Variants in CRPPA observed in about 807,000 individuals in gnomAD.
CRPPA encodes CDP-L-ribitol pyrophosphorylase A, also known as D-ribitol-5-phosphate cytidylyltransferase.
In CRPPA, 43 loss-of-function variants were observed where a neutral mutation model predicts 52.0. The ratio of observed to expected loss-of-function variants is 0.83; its 90% CI spans 0.65 to 1.07. CRPPA has a LOEUF of 1.07. Ranked by LOEUF, CRPPA falls within the 50% of genes least tolerant of loss-of-function variation. The pLI, the probability that CRPPA is intolerant of heterozygous loss-of-function variation, is 0.00. For synonymous variants in CRPPA, 250 were observed against 203.5 expected (o/e 1.23, Z -1.94); for missense variants, 629 against 551.7 (o/e 1.14, Z -1.40).
rs895723369 is a variant in CRPPA at position 16,091,654 on chromosome 7, G to C, written c.*41C>G. ...GGGGCACAAAGCACAATTAAGATAC[G>C]CAAATAGATGTTTTAGAAAATAGGT... is the stretch of plus-strand genomic sequence containing the variant. On this transcript the variant is annotated 3_prime_UTR_variant, in exon 10 of 10. Coordinates refer to ENST00000407010, the MANE Select transcript of CRPPA (RefSeq NM_001101426.4). 8.9e-7 allele frequency: 1 copy of C among 1,118,008 alleles called. No individual in the cohort carries two copies. Among genetic ancestry groups the C allele is most frequent in the Non-Finnish European group, 1.3e-6 (1 of 759,830 alleles). The allele number at this position is 1,118,008 out of a possible 1,614,324, so 69.3% of individuals were successfully genotyped here. A position where few individuals can be genotyped will look rare whatever the true frequency, so the allele number is the denominator to read the frequency against.
intron 8 of CRPPA, among the ~76,000 whole-genome samples, chr7:16,221,057 A>G (rs1782485142): frequency 6.6e-6 from 1 of 152,222 alleles, no homozygotes; most frequent in Non-Finnish European, 1.5e-5. Context: ...CTACAAGGCT[A>G]CAGTAACCAA....
At position 16,284,006 on chromosome 7, in the gene CRPPA, C is replaced by T. The variant is rs1352851631; in HGVS notation, c.836-5780G>A. On this transcript the variant is annotated intron_variant, in intron 5 of 9. Transcript: ENST00000407010. ...TGAAAGTAGCATATTGATACTTTGG[C>T]AGCACTTTGCATATGTGAAATGAGA... Among the ~76,000 whole-genome samples, 5 of 152,096 alleles carry T rather than the reference C, an allele frequency of 3.3e-5. No individual in the cohort carries two copies. The East Asian group carries it at 5.8e-4, about 18-fold the overall frequency.
intron 9 of CRPPA, among the ~76,000 whole-genome samples, chr7:16,138,215 C>T (rs1782797906): frequency 6.6e-6 from 1 of 152,092 alleles, no homozygotes. Flanking sequence ...AGAATGTATG[C>T]TGTTTACTTA....
intron 9 of CRPPA, among the ~76,000 whole-genome samples, chr7:16,214,466 A>AT (rs1271720639): frequency 1.3e-5 from 2 of 152,112 alleles, no homozygotes; most frequent in African/African-American, 4.8e-5. Context: ...AAAAGAACAG[A>AT]TTTTTCCCAC....
rs866956017 is a variant in CRPPA at position 16,421,365 on chromosome 7, G to A, written c.-43C>T. On this transcript the variant is annotated 5_prime_UTR_variant, in exon 1 of 10. Coordinates refer to ENST00000407010, the MANE Select transcript of CRPPA (RefSeq NM_001101426.4). Reference sequence around the variant, plus strand: ...CGAGCCCCGCTAGCCTCGGGCCGATGCGACCCCGCGCTGCTCCCACCCTCG... The same window carrying A: ...CGAGCCCCGCTAGCCTCGGGCCGATACGACCCCGCGCTGCTCCCACCCTCG... 5 of 1,221,832 alleles carry A rather than the reference G, an allele frequency of 4.1e-6. No individual in the cohort carries two copies. In the South Asian group the frequency reaches 2.0e-4, roughly 49 times the overall value. 75.7% of individuals were successfully genotyped at this position (1,221,832 alleles called of 1,614,324 possible). A position where few individuals can be genotyped will look rare whatever the true frequency, so the allele number is the denominator to read the frequency against.
chr7:16,340,603 C>CA (rs750533622), intron 3 of CRPPA, among the ~76,000 whole-genome samples: 267 of 77,828 alleles, frequency 3.4e-3, no homozygotes, highest in Middle Eastern at 7.4e-3. Context: ...TAATGTGGAG[C>CA]AAAAAAAAAA....
intron 3 of CRPPA, among the ~76,000 whole-genome samples, chr7:16,321,300 C>T (rs760983933): frequency 3.3e-5 from 5 of 152,074 alleles, no homozygotes; most frequent in Non-Finnish European, 5.9e-5. Context: ...AAATGCTTTA[C>T]CCTATCATAA....
At chr7:16,234,384 A>G (rs1782884321) in intron 8 of CRPPA, among the ~76,000 whole-genome samples, 2 of 152,184 alleles carry the variant, frequency 1.3e-5, no homozygotes, top group Non-Finnish European at 2.9e-5. Context: ...TTGACACAAT[A>G]AGATGCTTCA....
chr7:16,387,947 T>C (rs2389632), intron 2 of CRPPA, among the ~76,000 whole-genome samples: 32,530 of 152,144 alleles, frequency 0.21, 3,576 homozygotes, highest in African/African-American at 0.23. Context: ...TAGAATAGAA[T>C]AAAATTAGAC....
In CRPPA at chr7:16,421,198, C is replaced by T; in HGVS notation, c.125G>A (p.Arg42His). 1.5e-6 allele frequency: 2 copies of T among 1,341,162 alleles called. No homozygotes were observed. The highest frequency in any genetic ancestry group is 1.9e-6 in the Non-Finnish European group (2 of 1,040,496). The allele number at this position is 1,341,162 out of a possible 1,614,324, so 83.1% of individuals were successfully genotyped here. The change falls in exon 1 of 10, where the codon CGC (arginine) becomes CAC (histidine). Residue 42 changes from arginine (R) to histidine (H), a missense_variant. Coordinates refer to ENST00000407010, the MANE Select transcript of CRPPA (RefSeq NM_001101426.4). ...CACAGCTGCCACGGCTTGCGGGTGG[C>T]GCCCGGGCTCGGTCCCGGCCACGCT... ...LQSVAGTEPG[R>H]HPQAVAAVLP... is the part of the protein sequence containing the mutation.
chr7:16,091,141 G>A lies in CRPPA; in HGVS notation c.*554C>T, dbSNP rs1471855844. On this transcript the variant is annotated 3_prime_UTR_variant, in exon 10 of 10. Coordinates refer to ENST00000407010, the MANE Select transcript of CRPPA (RefSeq NM_001101426.4). ...TTTTAGGGATCTTGAGTAATATGTG[G>A]CAAATGGGGAAAATGCTAGAAACAA... The A allele has an allele frequency of 2.0e-5, 3 of 152,232 alleles. No homozygotes were observed. Among genetic ancestry groups the A allele is most frequent in the Non-Finnish European group, 4.4e-5 (3 of 68,082 alleles). The allele number at this position is 152,232 out of a possible 1,614,324, so 9.4% of individuals were successfully genotyped here.
Position 16,141,829 on chromosome 7 carries a change from G to A in CRPPA, c.1252-50030C>T, listed in dbSNP as rs147236599. Among the ~76,000 whole-genome samples, 1,054 of 152,136 alleles carry A rather than the reference G, an allele frequency of 6.9e-3. 4 individuals carry two copies. Among genetic ancestry groups the A allele is most frequent in the Non-Finnish European group, 0.011 (778 of 67,978 alleles). On this transcript the variant is annotated intron_variant, in intron 9 of 9. Coordinates refer to ENST00000407010, the MANE Select transcript of CRPPA (RefSeq NM_001101426.4). ...AGAAAAGAGAAGTTTATTTTCAGAG[G>A]CTGGGTGTCAAGCGCTCCTGTGGTG... is the stretch of plus-strand genomic sequence containing the variant.
intron 3 of CRPPA, among the ~76,000 whole-genome samples, chr7:16,371,473 C>G (rs1208262474): frequency 1.3e-5 from 2 of 151,524 alleles, no homozygotes; most frequent in African/African-American, 4.9e-5. Flanking sequence ...CCTAAAAGCA[C>G]CAAAAATCAA....
In CRPPA at chr7:16,421,409, A is replaced by C; in HGVS notation, c.-87T>G. On this transcript the variant is annotated 5_prime_UTR_variant, in exon 1 of 10. Coordinates refer to ENST00000407010, the MANE Select transcript of CRPPA (RefSeq NM_001101426.4). The stretch of plus-strand genomic sequence containing the variant: ...ACCCTCGGCCGGGGTCGCGGGGCGA[A>C]GGGCAGACCACGGAGAGGGACGCAG... 8.5e-7 allele frequency: 1 copy of C among 1,179,584 alleles called. No homozygotes were observed. Among genetic ancestry groups the C allele is most frequent in the South Asian group, 4.4e-5 (1 of 22,832 alleles). 73.1% of individuals were successfully genotyped at this position (1,179,584 alleles called of 1,614,324 possible).
chr7:16,222,047 A>T (rs1334327644), intron 8 of CRPPA, among the ~76,000 whole-genome samples: 1 of 150,412 alleles, frequency 6.6e-6, no homozygotes, highest in African/African-American at 2.4e-5. Context: ...GAACCAACCC[A>T]AATGTCCAAC....
intron 9 of CRPPA, among the ~76,000 whole-genome samples, chr7:16,211,555 T>C (rs150397100): frequency 4.3e-4 from 65 of 152,228 alleles, no homozygotes; most frequent in Admixed American, 9.2e-4. Flanking sequence ...AACTTCTAAG[T>C]CTAACCTCAC....
chr7:16,095,821 T>G (rs1781924751), intron 9 of CRPPA, among the ~76,000 whole-genome samples: 1 of 152,168 alleles, frequency 6.6e-6, no homozygotes, highest in African/African-American at 2.4e-5. Context: ...TGCTGAGAAC[T>G]CCTAAAAATC....
intron 6 of CRPPA, among the ~76,000 whole-genome samples, chr7:16,274,103 G>A (rs1372121152): frequency 6.6e-6 from 1 of 152,204 alleles, no homozygotes; most frequent in Non-Finnish European, 1.5e-5. Flanking sequence ...AGGCTGGAGT[G>A]CAGCGGCGCG....
chr7:16,317,072 A>C (rs1785159307), intron 3 of CRPPA, among the ~76,000 whole-genome samples: 1 of 152,162 alleles, frequency 6.6e-6, no homozygotes, highest in Non-Finnish European at 1.5e-5. Context: ...TATGTCCTTG[A>C]ATAGGATTTG....
Sources: gnomAD v4.1 joint callset for allele counts (sites outside exome capture counted in the v4.1 genomes callset) on GRCh38, gnomAD v4.1.1 for gene constraint, MANE v1.5 for transcripts, NCBI Gene and HGNC (gene_info 2026-07-23, HGNC 2026-07-21) for gene names.